NRG3: variants seen among roughly 807,000 people sequenced by gnomAD.
NRG3 encodes pro-neuregulin-3, membrane-bound isoform.
A neutral mutation model predicts 66.9 loss-of-function variants in NRG3; 31 were observed. The ratio of observed to expected loss-of-function variants is 0.46; its 90% CI spans 0.35 to 0.63. NRG3 has a LOEUF of 0.63. NRG3 is among the 20% of genes least tolerant of loss of function. NRG3 has a pLI of 0.00. For synonymous variants in NRG3, 393 were observed against 359.4 expected, an observed-to-expected ratio of 1.09 and a Z score of -1.06; for missense variants, 910 against 878.9, an observed-to-expected ratio of 1.04 and a Z score of -0.45.
At chr10:82,535,830 G>T (rs1847755602) in intron 2 of NRG3, among the ~76,000 whole-genome samples, 1 of 151,940 alleles carries the variant, frequency 6.6e-6, no homozygotes, top group Non-Finnish European at 1.5e-5. Flanking sequence ...TGGGCTAATG[G>T]GCTCTGCGTC....
At chr10:81,997,690 G>A (rs2060993987) in intron 1 of NRG3, among the ~76,000 whole-genome samples, 1 of 152,054 alleles carries the variant, frequency 6.6e-6, no homozygotes, top group Non-Finnish European at 1.5e-5. Flanking sequence ...TGAGTCATGT[G>A]TAGCACAGTG....
At chr10:82,706,858 G>A (rs969391018) in intron 2 of NRG3, among the ~76,000 whole-genome samples, 2 of 151,826 alleles carry the variant, frequency 1.3e-5, no homozygotes, top group South Asian at 2.1e-4. Context: ...GCCAGGCGTG[G>A]TGGTGCACAT....
intron 3 of NRG3, among the ~76,000 whole-genome samples, chr10:82,760,847 C>T (rs914576552): frequency 1.3e-5 from 2 of 151,688 alleles, no homozygotes; most frequent in African/African-American, 4.8e-5. Context: ...AGTGTATGTA[C>T]ATGGCAATGG....
chr10:82,649,965 C>T (rs1297028629), intron 2 of NRG3, among the ~76,000 whole-genome samples: 3 of 152,062 alleles, frequency 2.0e-5, no homozygotes, highest in South Asian at 4.1e-4. Flanking sequence ...GAAAGACTAT[C>T]TTTGTACCAG....
intron 1 of NRG3, among the ~76,000 whole-genome samples, chr10:81,957,026 T>G (rs1300759620): frequency 6.6e-6 from 1 of 152,196 alleles, no homozygotes. Context: ...AATGTCCAGC[T>G]CTCTTTGAAC....
At chr10:82,506,902 A>G (rs140370918) in intron 2 of NRG3, among the ~76,000 whole-genome samples, 4 of 152,288 alleles carry the variant, frequency 2.6e-5, no homozygotes, top group Non-Finnish European at 4.4e-5. Context: ...ATCACGTCTC[A>G]GGGTTTTCAC....
At chr10:82,924,295 G>A (rs1266980246) in intron 4 of NRG3, among the ~76,000 whole-genome samples, 2 of 151,958 alleles carry the variant, frequency 1.3e-5, no homozygotes, top group African/African-American at 4.8e-5. Flanking sequence ...ATTACTATGC[G>A]GACTTGATGT....
intron 1 of NRG3, among the ~76,000 whole-genome samples, chr10:82,153,478 A>G (rs1004090539): frequency 6.6e-6 from 1 of 151,178 alleles, no homozygotes; most frequent in Non-Finnish European, 1.5e-5. Context: ...GGGCAATTAC[A>G]TTGCTTTTAT....
intron 1 of NRG3, among the ~76,000 whole-genome samples, chr10:81,908,492 C>T (rs915678499): frequency 6.6e-6 from 1 of 152,154 alleles, no homozygotes; most frequent in African/African-American, 2.4e-5. Flanking sequence ...GGTGATGAGT[C>T]AGGAAATCCA....
chr10:82,103,301 C>A (rs1020660855), intron 1 of NRG3, among the ~76,000 whole-genome samples: 12 of 151,888 alleles, frequency 7.9e-5, no homozygotes, highest in African/African-American at 2.9e-4. Context: ...AGAATCTATT[C>A]TTTGTATAGA....
At chr10:82,193,613 T>G (rs929685038) in intron 1 of NRG3, among the ~76,000 whole-genome samples, 55 of 152,238 alleles carry the variant, frequency 3.6e-4, no homozygotes, top group African/African-American at 1.3e-3. Context: ...GTGGAGTGAT[T>G]AGAAGAACAT....
intron 1 of NRG3, among the ~76,000 whole-genome samples, chr10:82,312,776 T>C (rs1480514494): frequency 6.6e-6 from 1 of 151,712 alleles, no homozygotes; most frequent in African/African-American, 2.4e-5. Flanking sequence ...CTTAGAGCTT[T>C]CTTTTTTTTT....
At chr10:82,574,137 T>G (rs1359444047) in intron 2 of NRG3, among the ~76,000 whole-genome samples, 1 of 151,774 alleles carries the variant, frequency 6.6e-6, no homozygotes, top group African/African-American at 2.4e-5. Flanking sequence ...TCAACCTAAG[T>G]GTCCATCAAT....
At chr10:82,595,513 C>T (rs554703721) in intron 2 of NRG3, among the ~76,000 whole-genome samples, 9 of 152,206 alleles carry the variant, frequency 5.9e-5, no homozygotes, top group South Asian at 2.1e-4. Context: ...GGGCCAGGCG[C>T]GATGGCCCAC....
At chr10:81,894,695 A>G (rs560982298) in intron 1 of NRG3, among the ~76,000 whole-genome samples, 1 of 152,228 alleles carries the variant, frequency 6.6e-6, no homozygotes, top group South Asian at 2.1e-4. Flanking sequence ...TAGACAGTGC[A>G]TGGAGACTGC....
intron 1 of NRG3, among the ~76,000 whole-genome samples, chr10:81,968,702 T>C (rs2059819740): frequency 6.6e-6 from 1 of 152,238 alleles, no homozygotes; most frequent in Non-Finnish European, 1.5e-5. Flanking sequence ...CCATTGTTAC[T>C]CTTACCTCAG....
chr10:82,617,323 GACAC>G (rs148717796), intron 2 of NRG3, among the ~76,000 whole-genome samples: 28 of 140,162 alleles, frequency 2.0e-4, no homozygotes, highest in East Asian at 6.3e-4. Flanking sequence ...CGCACACATA[GACAC>G]ACACACACAC....
chr10:82,647,503 C>T (rs1320477754), intron 2 of NRG3, among the ~76,000 whole-genome samples: 2 of 152,124 alleles, frequency 1.3e-5, no homozygotes, highest in African/African-American at 4.8e-5. Context: ...GATTTATAGT[C>T]CTTTGGGTAT....
chr10:81,934,114 G>C (rs560908413), intron 1 of NRG3, among the ~76,000 whole-genome samples: 11 of 152,232 alleles, frequency 7.2e-5, no homozygotes, highest in African/African-American at 2.6e-4. Flanking sequence ...AAGTTATCTT[G>C]CCTCTGACAG....
Sources: gnomAD v4.1 joint callset for allele counts (sites outside exome capture counted in the v4.1 genomes callset) on GRCh38, gnomAD v4.1.1 for gene constraint, MANE v1.5 for transcripts, NCBI Gene and HGNC (gene_info 2026-07-23, HGNC 2026-07-21) for gene names.